NAA25: variants seen among roughly 807,000 people sequenced by gnomAD.
The protein encoded by NAA25 is N-alpha-acetyltransferase 25, NatB auxiliary subunit.
Under a neutral mutation model 132.5 loss-of-function variants are expected in NAA25, and 30 were observed. The observed-to-expected ratio is 0.23, with a 90% CI of 0.17 to 0.31. NAA25 has a LOEUF of 0.31. Among genes scored for constraint, NAA25 ranks in the 10% least tolerant of loss-of-function variants. NAA25 has a pLI of 1.00. For synonymous variants in NAA25, 359 were observed against 401.9 expected, an observed-to-expected ratio of 0.89 and a Z score of 1.28; for missense variants, 771 against 1,150.4, an observed-to-expected ratio of 0.67 and a Z score of 4.77.
intron 9 of NAA25, among the ~76,000 whole-genome samples, chr12:112,073,770 A>G (rs2078851523): frequency 6.6e-6 from 1 of 152,068 alleles, no homozygotes; most frequent in South Asian, 2.1e-4. Flanking sequence ...TATAAAAAGG[A>G]AAAAAAATTT....
chr12:112,039,332 G>A lies in NAA25; in HGVS notation c.2546C>T (p.Ser849Phe), dbSNP rs763141433. ...GTAACTGGATACCCAAAGGATAACAGAAATAGTCTGAAAGGAAAAATTGCA... is the reference window on the plus strand; with the variant it reads ...GTAACTGGATACCCAAAGGATAACAAAAATAGTCTGAAAGGAAAAATTGCA... ...ENLVFFVETISVILWVSSYCE... is the reference protein window; with the variant it reads ...ENLVFFVETIFVILWVSSYCE... Residue 849 changes from serine to phenylalanine, a missense_variant, in exon 22 of 24, where the codon TCT becomes TTT. Around this residue, in one of 3 missense-constraint regions of NAA25, gnomAD observed 324 missense variants for 400.0 expected, o/e 0.81. Transcript: ENST00000261745. 1 of 1,596,010 alleles carries A rather than the reference G, an allele frequency of 6.3e-7. No homozygotes were observed. Among genetic ancestry groups the A allele is most frequent in the Non-Finnish European group, 8.6e-7 (1 of 1,167,754 alleles).
In NAA25 at chr12:112,043,798, T is replaced by C; in HGVS notation, c.2077A>G (p.Thr693Ala). Residue 693 changes from threonine to alanine, a missense_variant, in exon 18 of 24, where the codon ACA becomes GCA. By Grantham distance (58) the Thr-to-Ala change is moderately conservative (BLOSUM62 0). Coordinates refer to ENST00000261745, the MANE Select transcript of NAA25 (RefSeq NM_024953.4). ...GGAAGTCCACTTATCAGCCTCAATG[T>C]TAAGGATCGGATTCTTAACCACAAG... The part of the protein sequence containing the change: ...ETLWLRIRSL[T>A]LRLISGLPSL... 1 of 1,614,212 alleles carries C rather than the reference T, an allele frequency of 6.2e-7. No individual in the cohort carries two copies. Among genetic ancestry groups the C allele is most frequent in the Non-Finnish European group, 8.5e-7 (1 of 1,180,024 alleles).
rs760668456 is a variant in NAA25, at chr12:112,028,601, A to C, written c.*930T>G. ...CCCACACTTAAAACATTAAAGTATT[A>C]AATCTTAATTTTCAAGTCATATATA... On this transcript the variant is annotated 3_prime_UTR_variant, in exon 24 of 24. Coordinates refer to ENST00000261745, the MANE Select transcript of NAA25 (RefSeq NM_024953.4). 1 of 152,118 alleles carries C rather than the reference A, an allele frequency of 6.6e-6. No homozygotes were observed. Among genetic ancestry groups the C allele is most frequent in the Non-Finnish European group, 1.5e-5 (1 of 68,022 alleles). The allele number at this position is 152,118 out of a possible 1,614,324, so 9.4% of individuals were successfully genotyped here. A position where few individuals can be genotyped will look rare whatever the true frequency, so the allele number is the denominator to read the frequency against.
At chr12:112,056,269 G>A (rs534190522) in intron 13 of NAA25, among the ~76,000 whole-genome samples, 137 of 152,214 alleles carry the variant, frequency 9.0e-4, no homozygotes, top group African/African-American at 3.3e-3. Flanking sequence ...AGGAGACAGA[G>A]GTTGCAGTAA....
intron 22 of NAA25, among the ~76,000 whole-genome samples, chr12:112,038,618 G>C (rs1254563688): frequency 1.3e-5 from 2 of 152,154 alleles, no homozygotes; most frequent in Non-Finnish European, 2.9e-5. Flanking sequence ...CGCATATGCA[G>C]GGATGTCCAA....
chr12:112,034,038 A>G (rs569700017), intron 22 of NAA25: 7 of 152,322 alleles, frequency 4.6e-5, no homozygotes, highest in Admixed American at 1.3e-4. Context: ...AAAATTTTAA[A>G]AATCAGTATT....
chr12:112,081,334 C>T (rs1359646535), intron 4 of NAA25, among the ~76,000 whole-genome samples, 200 bp from the exon 5 acceptor site: 1 of 152,160 alleles, frequency 6.6e-6, no homozygotes, highest in Non-Finnish European at 1.5e-5. Context: ...TGATACTTTA[C>T]TTTTTGAACC....
At chr12:112,057,223 A>C (rs757816417) in intron 13 of NAA25, among the ~76,000 whole-genome samples, 7 of 152,022 alleles carry the variant, frequency 4.6e-5, no homozygotes, top group South Asian at 2.1e-4. Flanking sequence ...AATAACATAA[A>C]ATAAAATAAA....
At chr12:112,076,375 T>C (rs1004348148) in intron 7 of NAA25, among the ~76,000 whole-genome samples, 1 of 152,228 alleles carries the variant, frequency 6.6e-6, no homozygotes, top group African/African-American at 2.4e-5. Context: ...TAATAGTACA[T>C]GGGATATACT....
In NAA25 at chr12:112,029,315, G is replaced by A; in HGVS notation, c.*216C>T. On this transcript the variant is annotated 3_prime_UTR_variant, in exon 24 of 24. Transcript: ENST00000261745. ...ATGCATATGAACATGTATAAAAAGT[G>A]GTCAAACCCAGATGAGGGTCCCGCT... The A allele has an allele frequency of 1.6e-6, 1 of 606,178 alleles. No individual in the cohort carries two copies. The highest frequency in any genetic ancestry group is 2.7e-6 in the Non-Finnish European group (1 of 365,130). 37.5% of individuals were successfully genotyped at this position (606,178 alleles called of 1,614,324 possible). A position where few individuals can be genotyped will look rare whatever the true frequency, so the allele number is the denominator to read the frequency against.
At chr12:112,096,755 C>T (rs1026935524) in intron 1 of NAA25, among the ~76,000 whole-genome samples, 9 of 152,302 alleles carry the variant, frequency 5.9e-5, no homozygotes, top group Admixed American at 4.6e-4. Flanking sequence ...GCTCAATAAA[C>T]GACACCCTCT....
In NAA25 at chr12:112,108,743, TA is replaced by T; in HGVS notation, c.30del (p.Asn11ThrfsTer28). 6.5e-7 allele frequency: 1 copy of T among 1,530,288 alleles called. No individual in the cohort carries two copies. Among genetic ancestry groups the T allele is most frequent in the Non-Finnish European group, 8.8e-7 (1 of 1,136,326 alleles). The allele number at this position is 1,530,288 out of a possible 1,614,324, so 94.8% of individuals were successfully genotyped here. A position where few individuals can be genotyped will look rare whatever the true frequency, so the allele number is the denominator to read the frequency against. ...TAAATGGGCCGGAGGCGCCTGTCGT[TA>T]GGGTCCTGCACATGGCCCCGCGTCG... MATRGHVQDPNDRRLRPIYD... is the reference protein window; with the variant it reads MATRGHVQDXNDRRLRPIYD... On this transcript the variant is annotated frameshift_variant, in exon 1 of 24. Transcript: ENST00000261745. LOFTEE classifies it high-confidence loss of function.
chr12:112,100,840 G>T (rs912744338), intron 1 of NAA25, among the ~76,000 whole-genome samples: 1 of 151,352 alleles, frequency 6.6e-6, no homozygotes, highest in Admixed American at 6.6e-5. Flanking sequence ...GGATAGTCTC[G>T]ATCTCCTGAC....
At chr12:112,048,189 C>T in intron 16 of NAA25, 103 bp downstream of exon 16, 2 of 1,142,272 alleles carry the variant, frequency 1.8e-6, no homozygotes, top group Admixed American at 2.5e-5. Flanking sequence ...TTTTTTCCCC[C>T]TATTTTACCT....
intron 2 of NAA25, among the ~76,000 whole-genome samples, chr12:112,092,212 G>C (rs894706765): frequency 4.6e-5 from 7 of 151,294 alleles, no homozygotes; most frequent in Non-Finnish European, 1.0e-4. Flanking sequence ...CTGCACTCTA[G>C]CCTGGGCAAC....
chr12:112,086,262 A>C (rs1170201685), intron 4 of NAA25, among the ~76,000 whole-genome samples: 27 of 151,344 alleles, frequency 1.8e-4, no homozygotes, highest in Admixed American at 1.4e-3. Context: ...TTGGGAGCCC[A>C]AGGTGGGTGG....
rs557478281 is a variant in NAA25, at chr12:112,041,053, C to T, written c.2441-475G>A. Among the ~76,000 whole-genome samples, 222 of 151,912 alleles carry T rather than the reference C, an allele frequency of 1.5e-3. 4 individuals carry two copies. In the South Asian group the frequency reaches 0.044, roughly 30 times the overall value. ...AGACCGAGCCACGCTTGGTGGTGCA[C>T]GCCAGTAGTCCCAGCTACTCAGGAG... On this transcript the variant is annotated intron_variant, in intron 20 of 23. Transcript: ENST00000261745.
At chr12:112,096,166 A>G (rs1331021525) in intron 1 of NAA25, among the ~76,000 whole-genome samples, 1 of 152,206 alleles carries the variant, frequency 6.6e-6, no homozygotes, top group Non-Finnish European at 1.5e-5. Context: ...TTCTTTTAAA[A>G]AGTCTAACAA....
At chr12:112,090,890 T>C (rs2079118503) in intron 2 of NAA25, 26 bp from the exon 3 acceptor site, 1 of 1,580,560 alleles carries the variant, frequency 6.3e-7, no homozygotes, top group African/African-American at 1.4e-5. Flanking sequence ...GAAAAATCAG[T>C]TTTTAAAAAG....
Sources: allele counts gnomAD v4.1 joint callset (sites outside exome capture counted in the v4.1 genomes callset), GRCh38; gene constraint gnomAD v4.1.1; regional missense constraint gnomAD v4.1.1; transcripts MANE v1.5; gene names NCBI Gene and HGNC (gene_info 2026-07-23, HGNC 2026-07-21).